Variants in CACNA1B observed in about 807,000 individuals in gnomAD.
CACNA1B encodes the protein voltage-dependent N-type calcium channel subunit alpha-1B.
A neutral mutation model predicts 247.2 loss-of-function variants in CACNA1B; 70 were observed. That is an observed-to-expected ratio of 0.28 (90% CI 0.23 to 0.35). The LOEUF (loss-of-function observed/expected upper bound fraction) is 0.35. Ranked by LOEUF, CACNA1B falls within the 10% of genes least tolerant of loss-of-function variation. The pLI is 1.00. For synonymous variants in CACNA1B, 1,231 were observed against 1,294.4 expected (o/e 0.95, Z 1.05); for missense variants, 2,367 against 3,197.4 (o/e 0.74, Z 6.26).
chr9:138,016,573 G>A (rs987721770), intron 18 of CACNA1B, among the ~76,000 whole-genome samples: 1 of 152,188 alleles, frequency 6.6e-6, no homozygotes, highest in Admixed American at 6.5e-5. Flanking sequence ...AGGTGGGTTC[G>A]GCAGCAGGGA....
intron 25 of CACNA1B, among the ~76,000 whole-genome samples, chr9:138,053,578 A>ACCC (rs1959373610): frequency 7.5e-6 from 1 of 133,278 alleles, no homozygotes; most frequent in Admixed American, 7.5e-5. Flanking sequence ...TCATGGCTCC[A>ACCC]CTCCTCCCCT....
chr9:138,021,744 T>G (rs1300277976), intron 18 of CACNA1B, among the ~76,000 whole-genome samples: 1 of 152,230 alleles, frequency 6.6e-6, no homozygotes, highest in African/African-American at 2.4e-5. Flanking sequence ...ATCTGTGAAA[T>G]GGGGACAAGA....
intron 20 of CACNA1B, among the ~76,000 whole-genome samples, chr9:138,037,171 C>A (rs929356508): frequency 6.6e-6 from 1 of 152,200 alleles, no homozygotes; most frequent in Non-Finnish European, 1.5e-5. Context: ...TGGTACAGTC[C>A]TCTGTCCTCA....
chr9:137,963,896 C>T lies in CACNA1B; in HGVS notation c.1333+6209C>T, dbSNP rs113501173. Among the ~76,000 whole-genome samples, 4 of 152,164 alleles carry T rather than the reference C, an allele frequency of 2.6e-5. No homozygotes were observed. In the East Asian group the frequency reaches 7.7e-4, roughly 29 times the overall value. ...CCTTGTAGGGCAGGTCTGGTAATAA[C>T]GAATTCCCTCAGCATTTGCTTGCCT... On this transcript the variant is annotated intron_variant, in intron 10 of 46. Coordinates refer to ENST00000371372, the MANE Select transcript of CACNA1B (RefSeq NM_000718.4).
At chr9:138,043,564 G>A (rs1235298820) in intron 20 of CACNA1B, among the ~76,000 whole-genome samples, 3 of 152,152 alleles carry the variant, frequency 2.0e-5, no homozygotes, top group Non-Finnish European at 4.4e-5. Context: ...GTGAGGAAGG[G>A]TCCGTTAGCG....
At position 137,913,057 on chromosome 9, in the gene CACNA1B, G is replaced by A; in HGVS notation, c.531-123G>A. On this transcript the variant is annotated intron_variant, in intron 3 of 46. Coordinates refer to ENST00000371372, the MANE Select transcript of CACNA1B (RefSeq NM_000718.4). The surrounding 1 kb of genome is among the most constrained non-coding windows in gnomAD (Gnocchi z 5.2). ...GTGCTGGCCCTGTGGTTGGACAGTG[G>A]GGACACAGGAATGAAGGTGTCACTG... is the stretch of plus-strand genomic sequence containing the variant. The A allele has an allele frequency of 1.4e-6, 1 of 727,790 alleles. No homozygotes were observed. Among genetic ancestry groups the A allele is most frequent in the Non-Finnish European group, 2.4e-6 (1 of 422,280 alleles). The allele number at this position is 727,790 out of a possible 1,614,324, so 45.1% of individuals were successfully genotyped here. A position where few individuals can be genotyped will look rare whatever the true frequency, so the allele number is the denominator to read the frequency against.
chr9:138,017,366 C>T (rs1400110321), intron 18 of CACNA1B, among the ~76,000 whole-genome samples: 2 of 152,250 alleles, frequency 1.3e-5, no homozygotes, highest in Non-Finnish European at 2.9e-5. Context: ...GGCTTGCTCC[C>T]TGATGTCCCC....
At chr9:138,093,614 A>C (rs1274916063) in intron 36 of CACNA1B, among the ~76,000 whole-genome samples, 1 of 151,420 alleles carries the variant, frequency 6.6e-6, no homozygotes, top group Non-Finnish European at 1.5e-5. Context: ...GGTCTCATAC[A>C]CTTGTAATCC....
chr9:138,108,863 A>G (rs1961529004), intron 39 of CACNA1B, among the ~76,000 whole-genome samples: 1 of 152,130 alleles, frequency 6.6e-6, no homozygotes. Context: ...GTTAGCCAGG[A>G]TGGTCTCCAT....
chr9:138,121,724 G>A lies in CACNA1B; in HGVS notation c.6745G>A (p.Ala2249Thr), dbSNP rs376045272. ...GAGAGACCCCCTCAGCCAGCCCCTG[G>A]CCCCTGGCTCTCGAATTGGCTCTGA... ...LQRDPLSQPL[A>T]PGSRIGSDPY... The change falls in exon 47 of 47, where the codon GCC becomes ACC. Residue 2249 changes from alanine to threonine, a missense_variant. Ala to Thr is a moderately conservative substitution (Grantham distance 58). Around this residue, in one of 12 missense-constraint regions of CACNA1B, gnomAD observed 773 missense variants for 779.4 expected, o/e 0.99. Coordinates refer to ENST00000371372, the MANE Select transcript of CACNA1B (RefSeq NM_000718.4). This position sits in a 1 kb window ranked among gnomAD's most constrained non-coding sequence, Gnocchi z 6.8. 19 of 1,613,282 alleles carry A rather than the reference G, an allele frequency of 1.2e-5. No homozygotes were observed. The highest frequency in any genetic ancestry group is 1.4e-5 in the Non-Finnish European group (17 of 1,179,876).
intron 6 of CACNA1B, among the ~76,000 whole-genome samples, chr9:137,918,608 C>G (rs1957444155): frequency 1.3e-5 from 2 of 152,106 alleles, no homozygotes; most frequent in African/African-American, 2.4e-5. Flanking sequence ...GCCTGTGCCT[C>G]TCTCCCCAGC....
chr9:137,952,141 T>G lies in CACNA1B; in HGVS notation c.967-133T>G, dbSNP rs1957884449. 3 of 677,454 alleles carry G rather than the reference T, an allele frequency of 4.4e-6. No homozygotes were observed. The highest frequency in any genetic ancestry group is 8.0e-6 in the Non-Finnish European group (3 of 375,074). The allele number at this position is 677,454 out of a possible 1,614,324, so 42.0% of individuals were successfully genotyped here. A position where few individuals can be genotyped will look rare whatever the true frequency, so the allele number is the denominator to read the frequency against. ...CCCCATGCTTGGACCTCCCTGTGAC[T>G]GGCCTCCCCACTGCCTGGACCCTAC... On this transcript the variant is annotated intron_variant, in intron 6 of 46. Transcript: ENST00000371372. This position sits in a 1 kb window ranked among gnomAD's most constrained non-coding sequence, Gnocchi z 4.8.
At chr9:137,949,111 C>CGCT (rs1564203169) in intron 6 of CACNA1B, among the ~76,000 whole-genome samples, 42 of 1,502 alleles carry the variant, frequency 0.028, no homozygotes, top group Admixed American at 0.036. Context: ...TTTGTGGTGG[C>CGCT]TGTGTGTCCA....
chr9:138,032,556 GT>G (rs1958999966), intron 20 of CACNA1B: 1 of 352,166 alleles, frequency 2.8e-6, no homozygotes, highest in Non-Finnish European at 5.5e-6. Flanking sequence ...TTCTTTTGTG[GT>G]AGGTCTGCGG....
intron 42 of CACNA1B, 116 bp from the exon 43 acceptor site, chr9:138,117,830 C>T (rs1032959603): frequency 2.5e-6 from 2 of 784,520 alleles, no homozygotes; most frequent in East Asian, 6.0e-5. Context: ...GGTGGCCAAA[C>T]CCCCTGACCT....
chr9:137,907,961 G>A (rs1312128898), intron 3 of CACNA1B, among the ~76,000 whole-genome samples: 2 of 152,030 alleles, frequency 1.3e-5, no homozygotes, highest in African/African-American at 4.8e-5. Flanking sequence ...TTGGAACGGC[G>A]CCACCGCCTT....
Position 137,986,506 on chromosome 9 carries a change from G to A in CACNA1B, c.1863G>A (p.Val621=). 1 of 1,613,888 alleles carries A rather than the reference G, an allele frequency of 6.2e-7. No homozygotes were observed. Among genetic ancestry groups the A allele is most frequent in the Non-Finnish European group, 8.5e-7 (1 of 1,179,842 alleles). Residue 621 remains valine (V), a synonymous_variant, in exon 14 of 47, where the codon GTG becomes GTA. Transcript: ENST00000371372. This position sits in a 1 kb window ranked among gnomAD's most constrained non-coding sequence, Gnocchi z 6.0. ...TCTTCTTGCTCTTCCTGTTCATTGT[G>A]GTCTTCGCCCTGCTGGGGATGCAGC... ...SLLFLLFLFI[V]VFALLGMQLF... is the part of the protein sequence containing the mutation.
At chr9:138,078,746 G>A (rs1209363734) in intron 36 of CACNA1B, among the ~76,000 whole-genome samples, 1 of 152,336 alleles carries the variant, frequency 6.6e-6, no homozygotes, top group East Asian at 1.9e-4. Flanking sequence ...TGGCTGCAGA[G>A]CGAGTGAGGA....
rs1958760642 is a variant in CACNA1B, at chr9:138,014,092, T to C, written c.2267+857T>C. 6.6e-6 allele frequency among the ~76,000 whole-genome samples: 1 copy of C among 152,216 alleles called. No individual in the cohort carries two copies. The highest frequency in any genetic ancestry group is 6.5e-5 in the Admixed American group (1 of 15,280). ...AGGGCCGGGTGCAGCCACAGGTGCATCTGTAGTGACGTGTGTCTGCACTTC... is the reference window on the plus strand; with the variant it reads ...AGGGCCGGGTGCAGCCACAGGTGCACCTGTAGTGACGTGTGTCTGCACTTC... On this transcript the variant is annotated intron_variant, in intron 18 of 46. Coordinates refer to ENST00000371372, the MANE Select transcript of CACNA1B (RefSeq NM_000718.4). The surrounding 1 kb of genome is among the most constrained non-coding windows in gnomAD (Gnocchi z 6.2).
Sources: allele counts gnomAD v4.1 joint callset (sites outside exome capture counted in the v4.1 genomes callset), GRCh38; gene constraint gnomAD v4.1.1; regional missense constraint gnomAD v4.1.1; non-coding constraint Gnocchi (gnomAD v3.1); transcripts MANE v1.5; gene names NCBI Gene and HGNC (gene_info 2026-07-23, HGNC 2026-07-21).